Variants in DHX57 observed in about 807,000 individuals in gnomAD.
DHX57 encodes the protein DExH-box helicase 57.
Under a neutral mutation model 156.2 loss-of-function variants are expected in DHX57, and 105 were observed. The observed-to-expected ratio is 0.67, with a 90% confidence interval of 0.57 to 0.79. The LOEUF is 0.79. Among genes scored for constraint, DHX57 ranks in the 30% least tolerant of loss-of-function variants. The probability of loss-of-function intolerance (pLI) is 0.00; values close to 1 mark genes in which losing one functional copy is unlikely to be tolerated. For missense variants in DHX57, 1,847 were observed against 1,661.9 expected (o/e 1.11, Z -1.94); for synonymous variants, 704 against 595.6 (o/e 1.18, Z -2.65).
intron 2 of DHX57, among the ~76,000 whole-genome samples, chr2:38,866,047 A>T (rs1458988454): frequency 1.3e-5 from 2 of 150,900 alleles, no homozygotes; most frequent in African/African-American, 4.9e-5. Flanking sequence ...TCTGCTGGCT[A>T]AGCCATGATC....
At position 38,861,231 on chromosome 2, in the gene DHX57, A is replaced by T; in HGVS notation, c.1179T>A (p.Leu393=). 1 of 1,614,174 alleles carries T rather than the reference A, an allele frequency of 6.2e-7. No individual in the cohort carries two copies. The highest frequency in any genetic ancestry group is 8.5e-7 in the Non-Finnish European group (1 of 1,180,040). The change falls in exon 5 of 24, where the codon CTT becomes CTA. Residue 393 remains leucine (L), a synonymous_variant. Transcript: ENST00000457308. The stretch of plus-strand genomic sequence containing the variant: ...CCGCAAATGTCAAGGCCTTGTCATA[A>T]AGAAACTCAGAAATATGTAAACGAC... ...LACRLHISEF[L]YDKALTFAET...
chr2:38,802,676 T>C, intron 23 of DHX57, 39 bp downstream of exon 23: 5 of 1,611,044 alleles, frequency 3.1e-6, no homozygotes, highest in Non-Finnish European at 4.2e-6. Flanking sequence ...AAGCCCCTCA[T>C]GGCCTGAGCC....
At chr2:38,869,044 TG>T (rs1441616759) in intron 1 of DHX57, among the ~76,000 whole-genome samples, 1 of 152,188 alleles carries the variant, frequency 6.6e-6, no homozygotes. Flanking sequence ...TCAAGTGATC[TG>T]CGCACCTCAG....
In DHX57 at chr2:38,830,448, T is replaced by G. The variant is rs570898010; in HGVS notation, c.2543-2012A>C. Among the ~76,000 whole-genome samples the G allele has an allele frequency of 2.6e-5, 4 of 152,042 alleles. No homozygotes were observed. The East Asian group carries it at 7.8e-4, about 29-fold the overall frequency. On this transcript the variant is annotated intron_variant, in intron 13 of 23. Coordinates refer to ENST00000457308, the MANE Select transcript of DHX57 (RefSeq NM_198963.3). Reference sequence around the variant, plus strand: ...TTCAAGACTAGCCTGACCAACATGGTGAAACCCCATCTCTACTAAAAATAC... The same window carrying G: ...TTCAAGACTAGCCTGACCAACATGGGGAAACCCCATCTCTACTAAAAATAC...
intron 23 of DHX57, among the ~76,000 whole-genome samples, chr2:38,800,017 G>A (rs1262949696): frequency 1.3e-4 from 19 of 151,520 alleles, no homozygotes; most frequent in African/African-American, 3.4e-4. Context: ...GAGAAACCCC[G>A]TCTCTACTAA....
chr2:38,870,699 G>A (rs1665312424), intron 1 of DHX57, among the ~76,000 whole-genome samples: 1 of 152,080 alleles, frequency 6.6e-6, no homozygotes, highest in Non-Finnish European at 1.5e-5. Context: ...CTAACACAGT[G>A]AAACCCTGTC....
At chr2:38,868,077 T>C (rs1665168851) in intron 2 of DHX57, 105 bp downstream of exon 2, 8 of 1,402,214 alleles carry the variant, frequency 5.7e-6, no homozygotes, top group Non-Finnish European at 7.8e-6. Context: ...GAAGACAATT[T>C]GACCAGAATT....
In DHX57 at chr2:38,848,273, T is replaced by C. The variant is rs1173009040; in HGVS notation, c.2160A>G (p.Ile720Met). 1 of 1,592,510 alleles carries C rather than the reference T, an allele frequency of 6.3e-7. No individual in the cohort carries two copies. The highest frequency in any genetic ancestry group is 1.4e-5 in the African/African-American group (1 of 73,556). Residue 720 changes from isoleucine (I) to methionine (M), a missense_variant, in exon 10 of 24, where the codon ATA (isoleucine) becomes ATG (methionine). Transcript: ENST00000457308. ...DYFNSCPVIT[I>M]PGRTFPVDQF... ...TTAATGATGCATTTTATTCACCTGGTATAGTAATAACGGGGCAGGAATTAA... is the reference window on the plus strand; with the variant it reads ...TTAATGATGCATTTTATTCACCTGGCATAGTAATAACGGGGCAGGAATTAA...
At chr2:38,810,323 C>A (rs1049225687) in intron 21 of DHX57, 11 of 357,678 alleles carry the variant, frequency 3.1e-5, no homozygotes, top group Non-Finnish European at 5.5e-5. Flanking sequence ...AGCCCCACTA[C>A]ACTCTTAGCC....
At chr2:38,831,344 G>A (rs1454789867) in intron 13 of DHX57, among the ~76,000 whole-genome samples, 5 of 138,154 alleles carry the variant, frequency 3.6e-5, no homozygotes, top group South Asian at 4.4e-4. Context: ...TTTTTGAGAC[G>A]AAGTCTCGCT....
intron 9 of DHX57, 140 bp downstream of exon 9, chr2:38,853,914 C>T (rs927902279): frequency 6.7e-6 from 5 of 750,532 alleles, no homozygotes; most frequent in Non-Finnish European, 1.1e-5. Context: ...AAAGCAGTTG[C>T]TCTTCTCTAA....
At chr2:38,800,689 C>G (rs1057487623) in intron 23 of DHX57, among the ~76,000 whole-genome samples, 1 of 152,144 alleles carries the variant, frequency 6.6e-6, no homozygotes, top group Non-Finnish European at 1.5e-5. Flanking sequence ...TCTTCTGGAC[C>G]ATATGCTGCA....
chr2:38,814,507 C>T (rs923503711), intron 20 of DHX57, among the ~76,000 whole-genome samples: 1 of 152,162 alleles, frequency 6.6e-6, no homozygotes, highest in African/African-American at 2.4e-5. Flanking sequence ...TGTTCAGAAT[C>T]TCCAGAAAGT....
At chr2:38,845,074 GTAGTCCCAGCTACT>G (rs1309424034) in intron 11 of DHX57, among the ~76,000 whole-genome samples, 5 of 152,110 alleles carry the variant, frequency 3.3e-5, no homozygotes, top group Non-Finnish European at 5.9e-5. Context: ...GCACACATCT[GTAGTCCCAGCTACT>G]TAGTATTCTG....
chr2:38,800,655 G>C (rs887197187), intron 23 of DHX57, among the ~76,000 whole-genome samples: 1 of 152,210 alleles, frequency 6.6e-6, no homozygotes, highest in Non-Finnish European at 1.5e-5. Context: ...GATTGAGCTT[G>C]TAGGCAAGAA....
chr2:38,831,322 CTTT>C (rs11348384), intron 13 of DHX57, among the ~76,000 whole-genome samples: 12 of 116,934 alleles, frequency 1.0e-4, no homozygotes, highest in East Asian at 2.7e-4. Context: ...TTCTTTATTT[CTTT>C]TTTTTTTTTT....
chr2:38,823,193 C>G lies in DHX57; in HGVS notation c.3091G>C (p.Asp1031His), dbSNP rs750490531. 6.2e-7 allele frequency: 1 copy of G among 1,614,054 alleles called. No homozygotes were observed. The highest frequency in any genetic ancestry group is 1.7e-5 in the Admixed American group (1 of 59,996). ...FSRLIEPPHT[D>H]SLRASKIRLR... ...CGTATTTTTGAGGCACGAAGAGAATCGGTGTGTGGAGGTTCAATGAGCCGA... is the reference window on the plus strand; with the variant it reads ...CGTATTTTTGAGGCACGAAGAGAATGGGTGTGTGGAGGTTCAATGAGCCGA... The change falls in exon 17 of 24, where the codon GAT becomes CAT. Residue 1031 changes from aspartate to histidine, a missense_variant. By Grantham distance (81) the Asp-to-His change is moderately conservative. Coordinates refer to ENST00000457308, the MANE Select transcript of DHX57 (RefSeq NM_198963.3).
chr2:38,864,447 A>G (rs1298172812), intron 2 of DHX57, among the ~76,000 whole-genome samples: 1 of 152,200 alleles, frequency 6.6e-6, no homozygotes. Context: ...TCTGATCATT[A>G]GGAAATGATC....
Position 38,863,448 on chromosome 2 carries a change from T to C in DHX57, c.296A>G (p.Gln99Arg). ...KWKPKAKVPL[Q>R]TLHMTSENQE... Reference sequence around the variant, plus strand: ...ATTCTCAGAAGTCATATGTAGAGTCTGAAGGGGTACTTTGGCTTTGGGTTT... The same window carrying C: ...ATTCTCAGAAGTCATATGTAGAGTCCGAAGGGGTACTTTGGCTTTGGGTTT... The change falls in exon 3 of 24, where the codon CAG becomes CGG. Residue 99 changes from glutamine (Q) to arginine (R), a missense_variant. Coordinates refer to ENST00000457308, the MANE Select transcript of DHX57 (RefSeq NM_198963.3). 1 of 1,614,178 alleles carries C rather than the reference T, an allele frequency of 6.2e-7. No homozygotes were observed. Among genetic ancestry groups the C allele is most frequent in the East Asian group, 2.2e-5 (1 of 44,874 alleles).
Sources: allele counts gnomAD v4.1 joint callset (sites outside exome capture counted in the v4.1 genomes callset), GRCh38; gene constraint gnomAD v4.1.1; transcripts MANE v1.5; gene names NCBI Gene and HGNC (gene_info 2026-07-23, HGNC 2026-07-21).